SPATC1: variants seen among roughly 807,000 people sequenced by gnomAD.
SPATC1 encodes the protein spermatogenesis and centriole associated 1.
Under a neutral mutation model 36.5 loss-of-function variants are expected in SPATC1, and 35 were observed. That is an observed-to-expected ratio of 0.96 (90% CI 0.73 to 1.27). The LOEUF is 1.27. Ranked by LOEUF, SPATC1 falls within the 50% of genes most tolerant of loss-of-function variation. SPATC1 has a pLI of 0.00. For synonymous variants in SPATC1, 361 were observed against 353.6 expected (o/e 1.02, Z -0.24); for missense variants, 779 against 796.0 (o/e 0.98, Z 0.26).
intron 1 of SPATC1, among the ~76,000 whole-genome samples, chr8:144,026,987 C>CTTTTTTTTTTTTTTTTTTTT (rs1169014232): frequency 1.7e-5 from 2 of 114,304 alleles, no homozygotes; most frequent in Admixed American, 9.2e-5. Context: ...TTTTTTTTTT[C>CTTTTTTTTTTTTTTTTTTTT]TTTTTTTTTT....
At chr8:144,011,522 G>C (rs1198362760), upstream of SPATC1, among the ~76,000 whole-genome samples, 1 of 152,158 alleles carries the variant, frequency 6.6e-6, no homozygotes, top group Non-Finnish European at 1.5e-5. This position sits in a 1 kb window ranked among gnomAD's most constrained non-coding sequence, Gnocchi z 4.5. Flanking sequence ...GCCCCAAAAA[G>C]AGGTTTGAGG....
intron 1 of SPATC1, among the ~76,000 whole-genome samples, chr8:144,024,425 ATT>A (rs1834631166): frequency 1.8e-5 from 1 of 56,558 alleles, no homozygotes; most frequent in Admixed American, 2.0e-4. Flanking sequence ...TCAGGACCCT[ATT>A]CCCTTAGGAT....
intron 1 of SPATC1, among the ~76,000 whole-genome samples, chr8:144,034,982 C>T (rs1244360527): frequency 6.6e-6 from 1 of 152,204 alleles, no homozygotes; most frequent in Non-Finnish European, 1.5e-5. Context: ...TTACTATAAG[C>T]ATTTCATTGT....
At chr8:144,014,136 C>T (rs1323781313) in intron 1 of SPATC1, among the ~76,000 whole-genome samples, 1 of 152,102 alleles carries the variant, frequency 6.6e-6, no homozygotes, top group Non-Finnish European at 1.5e-5. Context: ...CCTGTGGTCC[C>T]AGCCACTTGG....
rs1834406631 is a variant in SPATC1, at chr8:144,016,959, G to C, written c.211+4233G>C. On this transcript the variant is annotated intron_variant, in intron 1 of 4. Transcript: ENST00000377470. The surrounding 1 kb of genome is among the most constrained non-coding windows in gnomAD (Gnocchi z 4.5). ...CGCCTGACACTGGTGGTTTGTAACA[G>C]AGAATAATCATGTTTGTGCTTCAGA... Among the ~76,000 whole-genome samples the C allele has an allele frequency of 6.6e-6, 1 of 152,144 alleles. No homozygotes were observed. The highest frequency in any genetic ancestry group is 6.5e-5 in the Admixed American group (1 of 15,272).
chr8:144,035,788 G>A (rs1478884430), intron 1 of SPATC1, among the ~76,000 whole-genome samples: 3 of 152,242 alleles, frequency 2.0e-5, no homozygotes, highest in Non-Finnish European at 4.4e-5. Context: ...GACCACCGGC[G>A]CTCCTTAGGC....
chr8:144,026,290 C>T (rs1834676098), intron 1 of SPATC1, among the ~76,000 whole-genome samples: 1 of 152,106 alleles, frequency 6.6e-6, no homozygotes, highest in South Asian at 2.1e-4. Context: ...TGTTTTGTTT[C>T]GCTTTTATGG....
At chr8:144,022,723 A>ACCTCTCCCTTC (rs1348424322) in intron 1 of SPATC1, among the ~76,000 whole-genome samples, 1 of 130,760 alleles carries the variant, frequency 7.6e-6, no homozygotes, top group African/African-American at 2.9e-5. Flanking sequence ...TCCCTGAGGA[A>ACCTCTCCCTTC]ACTCTCCCCT....
chr8:144,031,450 C>CTTTTTT lies in SPATC1; in HGVS notation c.212-8445_212-8440dup, dbSNP rs1176896425. ...CTTGCTGCTATCAAGATTTTTTTTT[C>CTTTTTT]TTTTTTTTTTTTTTTTTTTAGAGAG... is the stretch of plus-strand genomic sequence containing the variant. On this transcript the variant is annotated intron_variant, in intron 1 of 4. Transcript: ENST00000377470. Among the ~76,000 whole-genome samples, 7 of 116,682 alleles carry CTTTTTT rather than the reference C, an allele frequency of 6.0e-5. 1 individual carries two copies. Among genetic ancestry groups the CTTTTTT allele is most frequent in the African/African-American group, 1.3e-4 (4 of 31,132 alleles). 76.5% of individuals were successfully genotyped at this position (116,682 alleles called of 152,430 possible).
At chr8:144,031,767 A>G in intron 1 of SPATC1, among the ~76,000 whole-genome samples, 1 of 132,628 alleles carries the variant, frequency 7.5e-6, no homozygotes, top group South Asian at 2.3e-4. Flanking sequence ...TCTGTCACCC[A>G]TCATGTAGCG....
intron 1 of SPATC1, among the ~76,000 whole-genome samples, chr8:144,021,084 C>CT (rs2133106895): frequency 2.2e-3 from 2 of 900 alleles, no homozygotes; most frequent in Admixed American, 0.015. Flanking sequence ...CCTGATGCCC[C>CT]CAGGACCCCA....
rs201862942 is a variant in SPATC1, at chr8:144,040,935, C to T, written c.1134C>T (p.Val378=). ...ATTCCCCAACCCAGAACCTGCCTGT[C>T]CCCCACTGTCCTCCACACAACGCCC... ...MHNSPTQNLP[V]PHCPPHNAHS... Residue 378 remains valine (V), a synonymous_variant, in exon 3 of 5, where the codon GTC becomes GTT. Coordinates refer to ENST00000377470, the MANE Select transcript of SPATC1 (RefSeq NM_198572.3). The T allele has an allele frequency of 1.4e-5, 23 of 1,599,592 alleles. No individual in the cohort carries two copies. The highest frequency in any genetic ancestry group is 2.2e-5 in the East Asian group (1 of 44,756).
At chr8:144,044,307 T>TC (rs1231112459) in intron 4 of SPATC1, among the ~76,000 whole-genome samples, 5 of 144,300 alleles carry the variant, frequency 3.5e-5, no homozygotes, top group Non-Finnish European at 7.5e-5. Flanking sequence ...TGAAGGAATT[T>TC]TTTTTTTTTT....
chr8:144,014,456 TAAAAC>T (rs1834343438), intron 1 of SPATC1, among the ~76,000 whole-genome samples: 1 of 129,704 alleles, frequency 7.7e-6, no homozygotes, highest in African/African-American at 3.0e-5. Flanking sequence ...AAGAAGAAAA[TAAAAC>T]AAAAGAAAAG....
At chr8:144,019,528 G>A (rs986438075) in intron 1 of SPATC1, among the ~76,000 whole-genome samples, 3,516 of 152,292 alleles carry the variant, frequency 0.023, 159 homozygotes, top group African/African-American at 0.079. Flanking sequence ...CCCCGTGCAC[G>A]GGCAGGTGGG....
intron 4 of SPATC1, chr8:144,042,090 AAC>A: frequency 1.2e-6 from 1 of 806,478 alleles, no homozygotes; most frequent in Non-Finnish European, 1.5e-6. Context: ...AAGAGTACAC[AAC>A]AGTGTATGTA....
chr8:144,042,302 TA>T (rs1835128602), intron 4 of SPATC1, among the ~76,000 whole-genome samples: 3 of 66,730 alleles, frequency 4.5e-5, no homozygotes, highest in African/African-American at 1.9e-4. Flanking sequence ...TATATATATA[TA>T]TATATATATT....
chr8:144,042,059 A>T, intron 4 of SPATC1: 1 of 954,494 alleles, frequency 1.0e-6, no homozygotes, highest in African/African-American at 1.8e-5. Flanking sequence ...CAACAAACCA[A>T]GACTCCACCT....
intron 1 of SPATC1, among the ~76,000 whole-genome samples, chr8:144,037,050 G>T (rs1444874200): frequency 6.7e-6 from 1 of 149,190 alleles, no homozygotes; most frequent in African/African-American, 2.5e-5. Context: ...ATGAATTTTG[G>T]CCGGGCAGAG....
Sources: gnomAD v4.1 joint callset for allele counts (sites outside exome capture counted in the v4.1 genomes callset) on GRCh38, gnomAD v4.1.1 for gene constraint, Gnocchi (gnomAD v3.1) non-coding constraint, MANE v1.5 for transcripts, NCBI Gene and HGNC (gene_info 2026-07-23, HGNC 2026-07-21) for gene names.